Variants in CSMD1 observed in about 807,000 individuals in gnomAD.
CSMD1 encodes the protein CUB and sushi domain-containing protein 1.
Under a neutral mutation model 417.5 loss-of-function variants are expected in CSMD1, and 213 were observed. The ratio of observed to expected loss-of-function variants is 0.51; its 90% CI spans 0.46 to 0.57. The LOEUF (loss-of-function observed/expected upper bound fraction) is 0.57. Ranked by LOEUF, CSMD1 falls within the 20% of genes least tolerant of loss-of-function variation. The pLI is 0.00. For missense variants in CSMD1, 6,923 were observed against 4,529.7 expected (o/e 1.53, Z -15.17); for synonymous variants, 2,862 against 1,736.8 (o/e 1.65, Z -16.11).
chr8:3,853,938 A>C (rs1381294853), intron 5 of CSMD1, among the ~76,000 whole-genome samples: 1 of 146,928 alleles, frequency 6.8e-6, no homozygotes, highest in Non-Finnish European at 1.5e-5. Context: ...TAATATATTA[A>C]AGTATAATAT....
chr8:3,406,565 T>G (rs886161503), intron 14 of CSMD1, among the ~76,000 whole-genome samples: 2 of 152,132 alleles, frequency 1.3e-5, no homozygotes, highest in African/African-American at 4.8e-5. Context: ...ATCCTGACTT[T>G]TTTTCTTACT....
intron 2 of CSMD1, among the ~76,000 whole-genome samples, chr8:4,490,401 A>G (rs1221733523): frequency 6.6e-6 from 1 of 152,178 alleles, no homozygotes; most frequent in African/African-American, 2.4e-5. Flanking sequence ...AAGGAATAAA[A>G]TGTGTATTTC....
intron 3 of CSMD1, among the ~76,000 whole-genome samples, chr8:4,196,597 C>T (rs750213070): frequency 2.0e-5 from 3 of 152,104 alleles, no homozygotes; most frequent in Admixed American, 6.6e-5. Context: ...GGGGTCATAG[C>T]CTTCTTTGTG....
chr8:3,520,638 C>G (rs1253222391), intron 10 of CSMD1, among the ~76,000 whole-genome samples: 2 of 152,258 alleles, frequency 1.3e-5, no homozygotes, highest in South Asian at 2.1e-4. Context: ...TCCTGGTTCA[C>G]CTGCATCTCC....
intron 1 of CSMD1, chr8:4,788,466 T>C (rs1235289894): frequency 7.5e-7 from 1 of 1,336,180 alleles, no homozygotes; most frequent in African/African-American, 1.5e-5. Context: ...TCAGCTCAAT[T>C]TACTGCTCAG....
chr8:3,298,666 T>C (rs1354561692), intron 25 of CSMD1, among the ~76,000 whole-genome samples: 2 of 152,164 alleles, frequency 1.3e-5, no homozygotes, highest in East Asian at 3.9e-4. Context: ...GTTGATCAGG[T>C]TGGTCTTGAA....
intron 8 of CSMD1, among the ~76,000 whole-genome samples, chr8:3,613,471 C>T (rs373601658): frequency 6.6e-6 from 1 of 151,904 alleles, no homozygotes; most frequent in Admixed American, 6.6e-5. Flanking sequence ...TACAGCCTAT[C>T]ATAACTCATA....
At chr8:3,182,548 C>A (rs986429897) in intron 36 of CSMD1, among the ~76,000 whole-genome samples, 2 of 149,960 alleles carry the variant, frequency 1.3e-5, no homozygotes, top group South Asian at 2.1e-4. Flanking sequence ...TAACCCCAGG[C>A]AAGGACTCTG....
intron 3 of CSMD1, among the ~76,000 whole-genome samples, chr8:4,298,415 T>C (rs758369071): frequency 6.6e-6 from 1 of 152,136 alleles, no homozygotes; most frequent in Non-Finnish European, 1.5e-5. Context: ...TACTAGACAC[T>C]AGACTGTTAT....
Position 3,214,526 on chromosome 8 carries a change from G to A in CSMD1, c.4838C>T (p.Ser1613Phe), listed in dbSNP as rs73183586. Reference protein sequence around the residue: ...TCVIGADGKPSWDQVLPSCNA... With the variant: ...TCVIGADGKPFWDQVLPSCNA... ...GCAGGAGGGCAGCACTTGGTCCCAG[G>A]AGGGTTTCCCATCAGCCCCAATCAC... The change falls in exon 30 of 70, where the codon TCC becomes TTC. Residue 1613 changes from serine to phenylalanine, a missense_variant. Transcript: ENST00000635120. The A allele has an allele frequency of 5.0e-4, 805 of 1,600,148 alleles. No homozygotes were observed. Among genetic ancestry groups the A allele is most frequent in the Non-Finnish European group, 5.9e-4 (690 of 1,173,202 alleles).
intron 7 of CSMD1, among the ~76,000 whole-genome samples, chr8:3,644,165 T>C (rs768180577): frequency 1.7e-4 from 26 of 152,184 alleles, no homozygotes; most frequent in East Asian, 7.7e-4. Flanking sequence ...AGGCCCCCAA[T>C]GTAGACTTAC....
At chr8:3,232,056 G>C (rs1263950836) in intron 26 of CSMD1, among the ~76,000 whole-genome samples, 5 of 152,156 alleles carry the variant, frequency 3.3e-5, no homozygotes, top group African/African-American at 9.7e-5. Flanking sequence ...ATGAACATCT[G>C]TGCTACCAAC....
chr8:4,006,457 T>A (rs1394270481), intron 4 of CSMD1, among the ~76,000 whole-genome samples: 1 of 152,148 alleles, frequency 6.6e-6, no homozygotes, highest in African/African-American at 2.4e-5. Context: ...GGCCGAAGAA[T>A]CGCTTGAACT....
chr8:4,541,324 G>C (rs776744201), intron 2 of CSMD1, among the ~76,000 whole-genome samples: 3 of 152,184 alleles, frequency 2.0e-5, no homozygotes, highest in Admixed American at 6.5e-5. Context: ...AGTTCTTACA[G>C]CAATTACAGT....
intron 51 of CSMD1, among the ~76,000 whole-genome samples, chr8:3,021,320 T>G (rs889276759): frequency 4.6e-5 from 7 of 152,220 alleles, no homozygotes; most frequent in African/African-American, 1.7e-4. Flanking sequence ...TAATAGAATT[T>G]CAGACCCAGA....
At chr8:3,881,991 C>T (rs564020662) in intron 5 of CSMD1, among the ~76,000 whole-genome samples, 13 of 151,946 alleles carry the variant, frequency 8.6e-5, no homozygotes, top group East Asian at 5.8e-4. Context: ...TAACCAATCA[C>T]GAGAGAATAT....
At chr8:4,490,771 C>G (rs1801657856) in intron 2 of CSMD1, among the ~76,000 whole-genome samples, 1 of 152,192 alleles carries the variant, frequency 6.6e-6, no homozygotes, top group African/African-American at 2.4e-5. Context: ...ACTAGCTCCA[C>G]TAGGTCGGGC....
intron 3 of CSMD1, among the ~76,000 whole-genome samples, chr8:4,288,123 T>C (rs1797162605): frequency 1.3e-5 from 2 of 152,166 alleles, no homozygotes; most frequent in Non-Finnish European, 2.9e-5. Context: ...ATGCTTTCTG[T>C]TCCTGCAGCA....
chr8:4,650,796 T>A (rs1803848053), intron 1 of CSMD1, among the ~76,000 whole-genome samples: 1 of 152,198 alleles, frequency 6.6e-6, no homozygotes, highest in East Asian at 1.9e-4. Flanking sequence ...ATTCTATTCT[T>A]CTTTATTTTA....
Sources: gnomAD v4.1 joint callset for allele counts (sites outside exome capture counted in the v4.1 genomes callset) on GRCh38, gnomAD v4.1.1 for gene constraint, MANE v1.5 for transcripts, NCBI Gene and HGNC (gene_info 2026-07-23, HGNC 2026-07-21) for gene names.